The following MAP9 variants were observed in gnomAD, a reference collection of about 807,000 sequenced individuals.
MAP9 encodes the protein microtubule-associated protein 9.
MAP9 carries 80 observed loss-of-function variants against 75.2 expected under a neutral mutation model. That is an observed-to-expected ratio of 1.06 (90% CI 0.89 to 1.28). The LOEUF (loss-of-function observed/expected upper bound fraction) is 1.28. Among genes scored for constraint, MAP9 ranks in the 50% most tolerant of loss-of-function variants. The pLI is 0.00. For synonymous variants in MAP9, 235 were observed against 237.3 expected (o/e 0.99, Z 0.09); for missense variants, 753 against 719.9 (o/e 1.05, Z -0.53).
chr4:155,357,442 T>A lies in MAP9; in HGVS notation c.1121+7A>T. On this transcript the variant is annotated splice_region_variant and intron_variant, in intron 8 of 13. Coordinates refer to ENST00000311277, the MANE Select transcript of MAP9 (RefSeq NM_001039580.2). ...CCATAAATGACAAATATTGGTAACT[T>A]TATTACCTGGCAGATGCACTGGATG... is the stretch of plus-strand genomic sequence containing the variant. 6.5e-7 allele frequency: 1 copy of A among 1,527,298 alleles called. No individual in the cohort carries two copies. The highest frequency in any genetic ancestry group is 9.1e-7 in the Non-Finnish European group (1 of 1,102,054). The allele number at this position is 1,527,298 out of a possible 1,614,324, so 94.6% of individuals were successfully genotyped here.
Position 155,352,736 on chromosome 4 carries a change from G to T in MAP9, c.1689-8C>A. On this transcript the variant is annotated splice_region_variant and splice_polypyrimidine_tract_variant and intron_variant, in intron 12 of 13. Coordinates refer to ENST00000311277, the MANE Select transcript of MAP9 (RefSeq NM_001039580.2). ...GCTTCCTTTTTTTCATTCCTATAGA[G>T]CATAGTATAAAACACTGGAGAGTTA... 6.6e-7 allele frequency: 1 copy of T among 1,515,568 alleles called. No homozygotes were observed. The allele number at this position is 1,515,568 out of a possible 1,614,324, so 93.9% of individuals were successfully genotyped here.
At chr4:155,360,450 C>G in intron 6 of MAP9, 35 bp from the exon 7 acceptor site, 1 of 1,575,116 alleles carries the variant, frequency 6.3e-7, no homozygotes, top group Non-Finnish European at 8.6e-7. Context: ...TTAAAACCCC[C>G]TTCTGAATTA....
At chr4:155,370,662 TGTG>T (rs1732552723) in intron 4 of MAP9, among the ~76,000 whole-genome samples, 1 of 152,076 alleles carries the variant, frequency 6.6e-6, no homozygotes, top group Admixed American at 6.5e-5. Context: ...TTTTTATTAT[TGTG>T]GTAAGAACAA....
Position 155,373,436 on chromosome 4 carries a change from C to G in MAP9, c.181G>C (p.Asp61His). Residue 61 changes from aspartate to histidine, a missense_variant, in exon 4 of 14, where the codon GAC (aspartate) becomes CAC (histidine). By Grantham distance (81) the Asp-to-His change is moderately conservative (BLOSUM62 -1). Transcript: ENST00000311277. ...DEIVSLGDFS[D>H]TSADENSVNK... ...ACTGAATTTTCATCTGCTGAAGTGT[C>G]AGAAAAATCACCTAAAGAAACTGAA... 1 of 1,546,106 alleles carries G rather than the reference C, an allele frequency of 6.5e-7. No homozygotes were observed. Among genetic ancestry groups the G allele is most frequent in the South Asian group, 1.3e-5 (1 of 78,908 alleles).
rs199575930 is a variant in MAP9 at position 155,374,942 on chromosome 4, T to A, written c.155A>T (p.Glu52Val). 1.3e-6 allele frequency: 2 copies of A among 1,579,440 alleles called. No homozygotes were observed. The highest frequency in any genetic ancestry group is 4.5e-5 in the East Asian group (2 of 44,328). Reference protein sequence around the residue: ...SEYSDDFDSDEIVSLGDFSDT... With the variant: ...SEYSDDFDSDVIVSLGDFSDT... ...GTTTCCATACTGTCACATACCAATC[T>A]CATCACTGTCAAAGTCATCTGAGTA... Residue 52 changes from glutamate to valine, a missense_variant, in exon 3 of 14, where the codon GAG becomes GTG. Glu to Val is a moderately radical substitution (Grantham distance 121). Transcript: ENST00000311277.
chr4:155,374,269 G>A (rs1224594145), intron 3 of MAP9, among the ~76,000 whole-genome samples: 1 of 152,110 alleles, frequency 6.6e-6, no homozygotes, highest in Non-Finnish European at 1.5e-5. Context: ...AACCTGGGAG[G>A]TGGAGGTTGC....
intron 4 of MAP9, among the ~76,000 whole-genome samples, chr4:155,370,455 T>C (rs1732542056): frequency 6.6e-6 from 1 of 152,212 alleles, no homozygotes; most frequent in Non-Finnish European, 1.5e-5. Context: ...GTTTCTGAAA[T>C]GCTGGGCTAA....
At chr4:155,373,804 A>T (rs1732713759) in intron 3 of MAP9, among the ~76,000 whole-genome samples, 1 of 152,202 alleles carries the variant, frequency 6.6e-6, no homozygotes, top group African/African-American at 2.4e-5. Flanking sequence ...GGACTGTAAA[A>T]CTTTTATTTG....
In MAP9 at chr4:155,352,717, T is replaced by G; in HGVS notation, c.1700A>C (p.Lys567Thr). The change falls in exon 13 of 14, where the codon AAG (lysine) becomes ACG (threonine). Residue 567 changes from lysine (K) to threonine (T), a missense_variant. Lys to Thr is a moderately conservative substitution (Grantham distance 78). Transcript: ENST00000311277. The stretch of plus-strand genomic sequence containing the variant: ...TTCCTTTTGCTTGAAAAAAGCTTCC[T>G]TTTTTTCATTCCTATAGAGCATAGT... ...LTAVEKWNEK[K>T]EAFFKQKEKE... The G allele has an allele frequency of 1.3e-6, 2 of 1,551,392 alleles. No individual in the cohort carries two copies. The highest frequency in any genetic ancestry group is 1.8e-6 in the Non-Finnish European group (2 of 1,140,722).
intron 2 of MAP9, 58 bp from the exon 3 acceptor site, chr4:155,375,079 G>T: frequency 8.0e-7 from 1 of 1,254,780 alleles, no homozygotes. Flanking sequence ...ATATTCACAA[G>T]TAATTCTTTA....
chr4:155,344,732 T>C lies in MAP9; in HGVS notation c.*3051A>G, dbSNP rs376766654. The C allele has an allele frequency of 2.0e-5, 3 of 152,026 alleles. No individual in the cohort carries two copies. The highest frequency in any genetic ancestry group is 2.9e-5 in the Non-Finnish European group (2 of 67,904). The allele number at this position is 152,026 out of a possible 1,614,324, so 9.4% of individuals were successfully genotyped here. On this transcript the variant is annotated 3_prime_UTR_variant, in exon 14 of 14. Coordinates refer to ENST00000311277, the MANE Select transcript of MAP9 (RefSeq NM_001039580.2). The stretch of plus-strand genomic sequence containing the variant: ...TAACCTCTTGATCTAAAATGCCATA[T>C]TGCATCTTTTAAGTTAAATAGCATT...
intron 4 of MAP9, among the ~76,000 whole-genome samples, chr4:155,369,328 TAAA>T (rs201446447): frequency 1.9e-5 from 2 of 104,930 alleles, no homozygotes; most frequent in Non-Finnish European, 4.1e-5. Context: ...AAAATCCATC[TAAA>T]AAAAAAAAAA....
At chr4:155,370,051 A>T (rs546449964) in intron 4 of MAP9, among the ~76,000 whole-genome samples, 1 of 152,128 alleles carries the variant, frequency 6.6e-6, no homozygotes, top group Non-Finnish European at 1.5e-5. Context: ...AACCATACCA[A>T]ATTGGTATTA....
intron 7 of MAP9, among the ~76,000 whole-genome samples, chr4:155,358,573 CA>C (rs766570754): frequency 4.6e-5 from 7 of 152,056 alleles, no homozygotes; most frequent in Non-Finnish European, 1.0e-4. Flanking sequence ...GAGATAATGA[CA>C]AATTCAGGAG....
chr4:155,350,177 T>A (rs893523340), intron 13 of MAP9: 16 of 434,890 alleles, frequency 3.7e-5, no homozygotes, highest in Non-Finnish European at 6.8e-5. Flanking sequence ...AAGCTTGAGA[T>A]GTTGTTTTCC....
chr4:155,344,218 G>A lies in MAP9; in HGVS notation c.*3565C>T, dbSNP rs1731205691. 1 of 151,948 alleles carries A rather than the reference G, an allele frequency of 6.6e-6. No individual in the cohort carries two copies. The highest frequency in any genetic ancestry group is 1.5e-5 in the Non-Finnish European group (1 of 67,852). The allele number at this position is 151,948 out of a possible 1,614,324, so 9.4% of individuals were successfully genotyped here. A position where few individuals can be genotyped will look rare whatever the true frequency, so the allele number is the denominator to read the frequency against. ...CCAAATAGCTTTGATCTGGTGGACA[G>A]TTATGAAGGCAGCAGTGGAGGAGTA... is the stretch of plus-strand genomic sequence containing the variant. On this transcript the variant is annotated 3_prime_UTR_variant, in exon 14 of 14. Transcript: ENST00000311277.
At position 155,353,205 on chromosome 4, in the gene MAP9, C is replaced by G; in HGVS notation, c.1516G>C (p.Ala506Pro). Residue 506 changes from alanine to proline, a missense_variant, in exon 11 of 14, where the codon GCT (alanine) becomes CCT (proline). Coordinates refer to ENST00000311277, the MANE Select transcript of MAP9 (RefSeq NM_001039580.2). ...KNKKKTEEEN[A>P]ARKGEALQAF... ...TGTAGTGCTTCTCCTTTTCTTGCAG[C>G]ATTTTCTTCTTCAGTTTTCTTCTTG... The G allele has an allele frequency of 8.8e-6, 14 of 1,597,248 alleles. No individual in the cohort carries two copies. The highest frequency in any genetic ancestry group is 1.2e-5 in the Non-Finnish European group (14 of 1,173,858).
chr4:155,361,593 C>G (rs1732082826), intron 6 of MAP9, among the ~76,000 whole-genome samples: 1 of 151,986 alleles, frequency 6.6e-6, no homozygotes, highest in African/African-American at 2.4e-5. Context: ...TTATTTTACC[C>G]ATTTTAAAGA....
rs12508947 is a variant in MAP9, at chr4:155,349,837, A to T, written c.1822-1932T>A. 4 of 153,544 alleles carry T rather than the reference A, an allele frequency of 2.6e-5. No individual in the cohort carries two copies. In the East Asian group the frequency reaches 7.7e-4, roughly 29 times the overall value. The allele number at this position is 153,544 out of a possible 1,614,324, so 9.5% of individuals were successfully genotyped here. Reference sequence around the variant, plus strand: ...TCTTTTTGTAATTTCACTTAACATGAGGGGGCAGTAACTTGAAATATGCTT... The same window carrying T: ...TCTTTTTGTAATTTCACTTAACATGTGGGGGCAGTAACTTGAAATATGCTT... On this transcript the variant is annotated intron_variant, in intron 13 of 13. Transcript: ENST00000311277.
Sources: gnomAD v4.1 joint callset for allele counts (sites outside exome capture counted in the v4.1 genomes callset) on GRCh38, gnomAD v4.1.1 for gene constraint, MANE v1.5 for transcripts, NCBI Gene and HGNC (gene_info 2026-07-23, HGNC 2026-07-21) for gene names.